The following HAPSTR1 variants were observed in gnomAD, a reference collection of about 807,000 sequenced individuals.
HAPSTR1 encodes the protein HUWE1 associated protein modifying stress responses, also known as HUWE1-associated protein modifying stress responses 1.
At chr16:9,100,709 A>G in the HAPSTR1 span, among the ~76,000 whole-genome samples, 3 of 151,660 alleles carry the variant, frequency 2.0e-5, no homozygotes, top group East Asian at 3.9e-4. Context: ...TAATTTTTGT[A>G]TTTTTAGTAG....
the HAPSTR1 span, among the ~76,000 whole-genome samples, chr16:9,115,658 T>C: frequency 6.6e-6 from 1 of 152,164 alleles, no homozygotes; most frequent in African/African-American, 2.4e-5. Flanking sequence ...GTTTCGCTCT[T>C]GTCACCCAGG....
At chr16:9,092,716 C>T in the HAPSTR1 span, among the ~76,000 whole-genome samples, 2 of 152,114 alleles carry the variant, frequency 1.3e-5, no homozygotes, top group African/African-American at 4.8e-5. Flanking sequence ...TCTGCGGCAT[C>T]CCCTTTTCCC....
At chr16:9,100,113 G>T in the HAPSTR1 span, among the ~76,000 whole-genome samples, 1 of 152,174 alleles carries the variant, frequency 6.6e-6, no homozygotes, top group Non-Finnish European at 1.5e-5. Flanking sequence ...GGACCTTCTA[G>T]TCTGTAAGGG....
chr16:9,092,404 G>T, the HAPSTR1 span: 1 of 783,918 alleles, frequency 1.3e-6, no homozygotes, highest in African/African-American at 1.8e-5. Flanking sequence ...GTGGCTCCGC[G>T]GCCCTGCCGC....
At chr16:9,120,245 T>C in the HAPSTR1 span, 2 of 152,204 alleles carry the variant, frequency 1.3e-5, no homozygotes, top group Non-Finnish European at 2.9e-5. Context: ...TTTAAAGTTA[T>C]AAGTGTTTAT....
the HAPSTR1 span, chr16:9,091,928 G>A: frequency 2.3e-6 from 2 of 858,040 alleles, no homozygotes; most frequent in African/African-American, 1.8e-5. Context: ...GAAAGGAGAA[G>A]GCGCCGTCGG....
At chr16:9,103,861 C>T in the HAPSTR1 span, 4 of 152,548 alleles carry the variant, frequency 2.6e-5, no homozygotes, top group African/African-American at 9.7e-5. Context: ...TAAGAAGGCA[C>T]TCTTGGCTAA....
At chr16:9,094,349 C>T in the HAPSTR1 span, among the ~76,000 whole-genome samples, 1 of 152,076 alleles carries the variant, frequency 6.6e-6, no homozygotes, top group Non-Finnish European at 1.5e-5. Context: ...TCTATCAGTG[C>T]TGACGGTCTT....
At chr16:9,101,261 C>T in the HAPSTR1 span, among the ~76,000 whole-genome samples, 5 of 152,154 alleles carry the variant, frequency 3.3e-5, no homozygotes, top group Admixed American at 6.5e-5. Flanking sequence ...AAAGTGGTGA[C>T]CCTCTCTACT....
the HAPSTR1 span, chr16:9,093,106 A>G: frequency 9.3e-7 from 1 of 1,080,914 alleles, no homozygotes; most frequent in Non-Finnish European, 1.4e-6. Context: ...CCAGCTGCTA[A>G]CCTTGAATAC....
the HAPSTR1 span, among the ~76,000 whole-genome samples, chr16:9,099,908 G>A: frequency 6.6e-6 from 1 of 152,134 alleles, no homozygotes; most frequent in African/African-American, 2.4e-5. Flanking sequence ...TATTTAAAAA[G>A]GACTCTATTT....
chr16:9,095,263 C>A, the HAPSTR1 span, among the ~76,000 whole-genome samples: 2 of 152,134 alleles, frequency 1.3e-5, no homozygotes. Flanking sequence ...GATAGCCTCA[C>A]ACTTTTTCTT....
the HAPSTR1 span, chr16:9,108,606 T>G: frequency 3.3e-5 from 5 of 152,172 alleles, no homozygotes; most frequent in Admixed American, 3.3e-4. Flanking sequence ...TCTTGAGGCT[T>G]TTCTTCTCAA....
chr16:9,114,147 C>T, the HAPSTR1 span, among the ~76,000 whole-genome samples: 7 of 151,948 alleles, frequency 4.6e-5, no homozygotes, highest in South Asian at 1.2e-3. Flanking sequence ...AAGCTTGTGC[C>T]GGTTGGGGAA....
At chr16:9,093,476 T>C in the HAPSTR1 span, among the ~76,000 whole-genome samples, 1 of 152,358 alleles carries the variant, frequency 6.6e-6, no homozygotes, top group African/African-American at 2.4e-5. Flanking sequence ...ACGAACTTTA[T>C]GGAAAAGATT....
At chr16:9,113,990 T>C in the HAPSTR1 span, among the ~76,000 whole-genome samples, 1 of 152,234 alleles carries the variant, frequency 6.6e-6, no homozygotes, top group Admixed American at 6.5e-5. Flanking sequence ...TATTATTCTT[T>C]TTCAGAATTC....
At chr16:9,114,231 G>A in the HAPSTR1 span, among the ~76,000 whole-genome samples, 2 of 152,122 alleles carry the variant, frequency 1.3e-5, no homozygotes, top group East Asian at 1.9e-4. Flanking sequence ...TGGGAGGGCC[G>A]TTGAGCTCAT....
At chr16:9,112,376 T>A in the HAPSTR1 span, 2 of 152,266 alleles carry the variant, frequency 1.3e-5, no homozygotes, top group Non-Finnish European at 2.9e-5. Flanking sequence ...AAATCCCATT[T>A]TCTATGGGAG....
At chr16:9,112,998 C>G in the HAPSTR1 span, 1 of 138,430 alleles carries the variant, frequency 7.2e-6, no homozygotes, top group Admixed American at 7.3e-5. Flanking sequence ...TCAGGACGTA[C>G]AACTTGGTTT....
Sources: allele counts gnomAD v4.1 joint callset (sites outside exome capture counted in the v4.1 genomes callset), GRCh38; gene constraint gnomAD v4.1.1; transcripts MANE v1.5; gene names NCBI Gene and HGNC (gene_info 2026-07-23, HGNC 2026-07-21).